Variants in B4GALNT3 observed in about 807,000 individuals in gnomAD.
The protein encoded by B4GALNT3 is beta-1,4-N-acetyl-galactosaminyltransferase 3, also known as beta-1,4-N-acetylgalactosaminyltransferase 3.
Under a neutral mutation model 120.2 loss-of-function variants are expected in B4GALNT3, and 86 were observed. The ratio of observed to expected loss-of-function variants is 0.72; its 90% CI spans 0.60 to 0.86. The LOEUF (loss-of-function observed/expected upper bound fraction) is 0.86, where lower values mean the gene tolerates loss of function less well. Ranked by LOEUF, B4GALNT3 falls within the 40% of genes least tolerant of loss-of-function variation. The pLI, the probability that B4GALNT3 is intolerant of heterozygous loss-of-function variation, is 0.00. For missense variants in B4GALNT3, 1,167 were observed against 1,298.9 expected, an observed-to-expected ratio of 0.90 and a Z score of 1.56; for synonymous variants, 518 against 510.4, an observed-to-expected ratio of 1.01 and a Z score of -0.20.
chr12:538,830 T>C (rs1487512103), intron 3 of B4GALNT3, among the ~76,000 whole-genome samples: 1 of 152,152 alleles, frequency 6.6e-6, no homozygotes, highest in Non-Finnish European at 1.5e-5. Flanking sequence ...AGCCTTGCAG[T>C]CTCGCCACAT....
chr12:508,402 C>T (rs1279552283), intron 1 of B4GALNT3, among the ~76,000 whole-genome samples: 2 of 152,186 alleles, frequency 1.3e-5, no homozygotes, highest in Admixed American at 1.3e-4. Context: ...ACCTCAGGCT[C>T]TTGAGTGCCT....
chr12:521,818 A>G (rs71447494), intron 1 of B4GALNT3, among the ~76,000 whole-genome samples: 23,261 of 152,192 alleles, frequency 0.15, 1,821 homozygotes, highest in Non-Finnish European at 0.17. Flanking sequence ...GCAGACCTCT[A>G]TCGGCACTGA....
chr12:468,779 G>A (rs983314092), intron 1 of B4GALNT3, among the ~76,000 whole-genome samples: 1 of 152,230 alleles, frequency 6.6e-6, no homozygotes, highest in Admixed American at 6.5e-5. Flanking sequence ...TAGACTTCAT[G>A]TGTCTCTTCC....
At chr12:536,578 G>A (rs1228444038) in intron 3 of B4GALNT3, among the ~76,000 whole-genome samples, 1 of 152,152 alleles carries the variant, frequency 6.6e-6, no homozygotes, top group Admixed American at 6.5e-5. Context: ...AAACTTCTGG[G>A]CTCAAGCGAT....
At chr12:538,338 C>G (rs932807456) in intron 3 of B4GALNT3, among the ~76,000 whole-genome samples, 2 of 152,000 alleles carry the variant, frequency 1.3e-5, no homozygotes, top group African/African-American at 4.8e-5. Context: ...GGGAGGATTG[C>G]TTGAGCCCAG....
intron 1 of B4GALNT3, among the ~76,000 whole-genome samples, chr12:490,363 GA>G (rs531748709): frequency 7.4e-5 from 11 of 149,596 alleles, no homozygotes; most frequent in African/African-American, 2.7e-4. Context: ...TGCTAACTAA[GA>G]AAAAAAAACA....
At chr12:513,012 GCCTTCCACCTTCCACCTTCCA>G (rs1345532514) in intron 1 of B4GALNT3, among the ~76,000 whole-genome samples, 2 of 59,018 alleles carry the variant, frequency 3.4e-5, no homozygotes, top group Non-Finnish European at 6.5e-5. Context: ...TCCACCTTCC[GCCTTCCACCTTCCACCTTCCA>G]CCTTCTTCCA....
At chr12:552,982 G>A in intron 13 of B4GALNT3, 1 of 643,508 alleles carries the variant, frequency 1.6e-6, no homozygotes, top group Non-Finnish European at 2.7e-6. Flanking sequence ...CATGAGAGAT[G>A]CAGTATTATT....
intron 1 of B4GALNT3, among the ~76,000 whole-genome samples, chr12:504,937 A>C (rs1158192780): frequency 2.0e-5 from 3 of 149,216 alleles, no homozygotes; most frequent in East Asian, 4.0e-4. Context: ...GTTGCCCAGG[A>C]TGGAGTGCAG....
Position 460,615 on chromosome 12 carries a change from C to G in B4GALNT3, c.169+70C>G. 8.0e-7 allele frequency: 1 copy of G among 1,256,922 alleles called. No homozygotes were observed. 77.9% of individuals were successfully genotyped at this position (1,256,922 alleles called of 1,614,324 possible). A position where few individuals can be genotyped will look rare whatever the true frequency, so the allele number is the denominator to read the frequency against. On this transcript the variant is annotated intron_variant, in intron 1 of 19. Coordinates refer to ENST00000266383, the MANE Select transcript of B4GALNT3 (RefSeq NM_173593.4). This position sits in a 1 kb window ranked among gnomAD's most constrained non-coding sequence, Gnocchi z 8.0. The stretch of plus-strand genomic sequence containing the variant: ...GGCGGCGGCTCCTGCGTTGGGGGGA[C>G]CCGCCTCTCATCCCATCCTCAGACC...
intron 1 of B4GALNT3, among the ~76,000 whole-genome samples, chr12:534,139 G>A (rs1293085515): frequency 6.6e-6 from 1 of 152,206 alleles, no homozygotes; most frequent in African/African-American, 2.4e-5. Context: ...GAAATCCGTG[G>A]CACACTGGGG....
At chr12:552,292 T>TACACACACACACACACACAC (rs10604398) in intron 12 of B4GALNT3, 129 bp downstream of exon 12, 213 of 627,152 alleles carry the variant, frequency 3.4e-4, no homozygotes, top group African/African-American at 3.3e-3. Context: ...TCCTGAGTAC[T>TACACACACACACACACACAC]ACACACACAC....
In B4GALNT3 at chr12:478,283, TAA is replaced by T. The variant is rs10718025; in HGVS notation, c.169+17751_169+17752del. ...AAAAAAAAAAAAAAATTAGAGGAGG[TAA>T]AAAAAAAAAAAATATTCAAGCCTGA... On this transcript the variant is annotated intron_variant, in intron 1 of 19. Transcript: ENST00000266383. Among the ~76,000 whole-genome samples, 282 of 131,380 alleles carry T rather than the reference TAA, an allele frequency of 2.1e-3. 2 individuals carry two copies. Among genetic ancestry groups the T allele is most frequent in the East Asian group, 9.1e-3 (42 of 4,598 alleles). 86.2% of individuals were successfully genotyped at this position (131,380 alleles called of 152,430 possible). A position where few individuals can be genotyped will look rare whatever the true frequency, so the allele number is the denominator to read the frequency against.
At chr12:499,669 T>C (rs1407521880) in intron 1 of B4GALNT3, among the ~76,000 whole-genome samples, 1 of 126,916 alleles carries the variant, frequency 7.9e-6, no homozygotes, top group Non-Finnish European at 1.6e-5. Context: ...CACTATCTAC[T>C]AGCCCGTGGA....
chr12:514,571 C>G (rs1406298672), intron 1 of B4GALNT3, among the ~76,000 whole-genome samples: 1 of 152,136 alleles, frequency 6.6e-6, no homozygotes, highest in Non-Finnish European at 1.5e-5. Flanking sequence ...GGTTGTTGCA[C>G]TGTCAACATT....
chr12:472,323 CA>C (rs1946144171), intron 1 of B4GALNT3, among the ~76,000 whole-genome samples: 2 of 152,316 alleles, frequency 1.3e-5, no homozygotes, highest in South Asian at 4.1e-4. Flanking sequence ...GTCTGTTGCC[CA>C]GCCTGGAGTT....
At chr12:497,433 G>A (rs1303905379) in intron 1 of B4GALNT3, among the ~76,000 whole-genome samples, 1 of 152,184 alleles carries the variant, frequency 6.6e-6, no homozygotes, top group African/African-American at 2.4e-5. Context: ...GTGAGCCACT[G>A]CACCTGGCCC....
At chr12:483,006 C>T (rs1423642969) in intron 1 of B4GALNT3, among the ~76,000 whole-genome samples, 1 of 152,132 alleles carries the variant, frequency 6.6e-6, no homozygotes, top group Non-Finnish European at 1.5e-5. Flanking sequence ...CCCCTGGGTT[C>T]AAGTGATTCT....
rs552951178 is a variant in B4GALNT3, at chr12:562,301, G to C, written c.*850G>C. 1 of 152,474 alleles carries C rather than the reference G, an allele frequency of 6.6e-6. No individual in the cohort carries two copies. The highest frequency in any genetic ancestry group is 6.5e-5 in the Admixed American group (1 of 15,288). 9.4% of individuals were successfully genotyped at this position (152,474 alleles called of 1,614,324 possible). A position where few individuals can be genotyped will look rare whatever the true frequency, so the allele number is the denominator to read the frequency against. ...GGCGTGCCTGTGGGTAAGGCCTCCC[G>C]AGAGGACATGGAGAAGAGGTAAAGA... On this transcript the variant is annotated 3_prime_UTR_variant, in exon 20 of 20. Transcript: ENST00000266383. This position sits in a 1 kb window ranked among gnomAD's most constrained non-coding sequence, Gnocchi z 5.2.
Sources: allele counts gnomAD v4.1 joint callset (sites outside exome capture counted in the v4.1 genomes callset), GRCh38; gene constraint gnomAD v4.1.1; non-coding constraint Gnocchi (gnomAD v3.1); transcripts MANE v1.5; gene names NCBI Gene and HGNC (gene_info 2026-07-23, HGNC 2026-07-21).